FHIT: variants seen among roughly 807,000 people sequenced by gnomAD.
The protein encoded by FHIT is bis(5'-adenosyl)-triphosphatase.
In FHIT, 19 loss-of-function variants were observed where a neutral mutation model predicts 17.9. The observed-to-expected ratio is 1.06, with a 90% CI of 0.74 to 1.56. The LOEUF is 1.56. FHIT is among the 40% of genes most tolerant of loss of function. The probability of loss-of-function intolerance (pLI) is 0.00; values close to 1 mark genes in which losing one functional copy is unlikely to be tolerated. For missense variants in FHIT, 248 were observed against 189.2 expected (o/e 1.31, Z -1.82); for synonymous variants, 81 against 69.7 (o/e 1.16, Z -0.81).
intron 7 of FHIT, among the ~76,000 whole-genome samples, chr3:59,939,275 C>G (rs1706393781): frequency 6.6e-6 from 1 of 152,142 alleles, no homozygotes; most frequent in Admixed American, 6.5e-5. Flanking sequence ...GGAACCCTTC[C>G]TAACTTCAGT....
At position 60,703,996 on chromosome 3, in the gene FHIT, T is replaced by TA. The variant is rs534854329; in HGVS notation, c.-18+117922dup. Among the ~76,000 whole-genome samples the TA allele has an allele frequency of 3.5e-3, 532 of 151,888 alleles. 5 individuals are homozygous for TA. The highest frequency in any genetic ancestry group is 0.012 in the African/African-American group (516 of 41,412). ...AGTGAATGGCTATAAAATTTTTTTT[T>TA]AAAAAAAATCTAGCCGTACCAGTAT... On this transcript the variant is annotated intron_variant, in intron 4 of 9. Coordinates refer to ENST00000492590, the MANE Select transcript of FHIT (RefSeq NM_002012.4).
chr3:59,767,657 C>G (rs1301276773), intron 8 of FHIT, among the ~76,000 whole-genome samples: 3 of 152,112 alleles, frequency 2.0e-5, no homozygotes, highest in African/African-American at 7.2e-5. Flanking sequence ...TTTAATGGAG[C>G]TCTATTGAGT....
chr3:60,460,249 G>C (rs1489701589), intron 5 of FHIT, among the ~76,000 whole-genome samples: 5 of 152,046 alleles, frequency 3.3e-5, no homozygotes, highest in Non-Finnish European at 5.9e-5. Context: ...AAAGTCTTTT[G>C]GTTATACTTA....
At chr3:60,076,042 A>G (rs1702991998) in intron 5 of FHIT, among the ~76,000 whole-genome samples, 2 of 152,108 alleles carry the variant, frequency 1.3e-5, no homozygotes, top group Admixed American at 6.6e-5. Flanking sequence ...CCAGGTAAGT[A>G]TGATAGTCAT....
At chr3:61,239,789 A>T (rs1880215) in intron 1 of FHIT, among the ~76,000 whole-genome samples, 4 of 119,320 alleles carry the variant, frequency 3.4e-5, no homozygotes, top group East Asian at 3.1e-4. Context: ...ATATATACAC[A>T]AATTCTAAAC....
intron 4 of FHIT, among the ~76,000 whole-genome samples, chr3:60,663,401 A>C (rs1210611418): frequency 6.6e-6 from 1 of 151,560 alleles, no homozygotes; most frequent in Non-Finnish European, 1.5e-5. Context: ...TTGTAATTTC[A>C]TTATATAAAC....
intron 8 of FHIT, among the ~76,000 whole-genome samples, 163 bp from the exon 9 acceptor site, chr3:59,752,484 C>A (rs984121056): frequency 1.3e-5 from 2 of 152,104 alleles, no homozygotes; most frequent in African/African-American, 4.8e-5. Flanking sequence ...AGGCTTTATA[C>A]AAGAATCCAC....
chr3:60,812,012 T>C (rs1231353256), intron 4 of FHIT, among the ~76,000 whole-genome samples: 1 of 152,118 alleles, frequency 6.6e-6, no homozygotes, highest in Non-Finnish European at 1.5e-5. Flanking sequence ...AGAAATCATT[T>C]ATCCCTCCAA....
intron 5 of FHIT, among the ~76,000 whole-genome samples, chr3:60,400,073 T>G (rs942390814): frequency 6.6e-6 from 1 of 152,170 alleles, no homozygotes; most frequent in African/African-American, 2.4e-5. Context: ...ATGGCAGTAC[T>G]CTGGATAGTG....
intron 7 of FHIT, among the ~76,000 whole-genome samples, chr3:59,977,833 C>T (rs3772483): frequency 0.33 from 50,663 of 151,914 alleles, 10,062 homozygotes; most frequent in East Asian, 0.53. Flanking sequence ...TTCTAGTTAC[C>T]CTGCCTATTA....
At chr3:60,478,857 T>C (rs1168540384) in intron 5 of FHIT, among the ~76,000 whole-genome samples, 1 of 152,188 alleles carries the variant, frequency 6.6e-6, no homozygotes, top group African/African-American at 2.4e-5. Context: ...ACAGAGAGTA[T>C]AATCACACCA....
At chr3:59,841,906 C>T (rs1192793372) in intron 8 of FHIT, among the ~76,000 whole-genome samples, 3 of 152,120 alleles carry the variant, frequency 2.0e-5, no homozygotes, top group Admixed American at 6.6e-5. Flanking sequence ...GTAGAATACA[C>T]ATAATCTAAA....
chr3:61,080,098 T>C (rs1394693411), intron 2 of FHIT, among the ~76,000 whole-genome samples: 3 of 152,220 alleles, frequency 2.0e-5, no homozygotes, highest in Admixed American at 6.5e-5. Context: ...AAAGCATTCA[T>C]ATTACAACTA....
chr3:60,477,608 C>T lies in FHIT; in HGVS notation c.103+59252G>A, dbSNP rs568982975. Among the ~76,000 whole-genome samples, 26 of 152,288 alleles carry T rather than the reference C, an allele frequency of 1.7e-4. No homozygotes were observed. The South Asian group carries it at 5.0e-3, about 29-fold the overall frequency. ...TATTAATGTCTGCATTTTAGATCTA[C>T]TGCAAATAATCACATATTATTTTTC... On this transcript the variant is annotated intron_variant, in intron 5 of 9. Transcript: ENST00000492590.
chr3:61,231,076 T>C lies in FHIT; in HGVS notation c.-213+20225A>G, dbSNP rs760082917. 2.6e-4 allele frequency among the ~76,000 whole-genome samples: 40 copies of C among 152,216 alleles called. 1 individual carries two copies. Among genetic ancestry groups the C allele is most frequent in the Non-Finnish European group, 3.8e-4 (26 of 68,042 alleles). On this transcript the variant is annotated intron_variant, in intron 1 of 9. Coordinates refer to ENST00000492590, the MANE Select transcript of FHIT (RefSeq NM_002012.4). ...TAAAATGAGTCGCTAGTAAATATGATGCTATAGTTTTACAAAATGTTATCA... is the reference window on the plus strand; with the variant it reads ...TAAAATGAGTCGCTAGTAAATATGACGCTATAGTTTTACAAAATGTTATCA...
At chr3:60,227,119 A>G (rs553697483) in intron 5 of FHIT, among the ~76,000 whole-genome samples, 1 of 152,282 alleles carries the variant, frequency 6.6e-6, no homozygotes, top group Admixed American at 6.5e-5. Context: ...CCTAAACCAC[A>G]TAACCTAACA....
At chr3:59,911,934 A>T (rs186975360) in intron 8 of FHIT, among the ~76,000 whole-genome samples, 22 of 152,318 alleles carry the variant, frequency 1.4e-4, no homozygotes, top group African/African-American at 5.0e-4. Context: ...GACGATGAAG[A>T]TGAGTAAGAT....
At chr3:59,785,756 C>G (rs570892384) in intron 8 of FHIT, among the ~76,000 whole-genome samples, 1 of 152,294 alleles carries the variant, frequency 6.6e-6, no homozygotes, top group South Asian at 2.1e-4. Flanking sequence ...CAAGGAGTTA[C>G]TTAAATTTGC....
chr3:60,869,024 A>C (rs186651845), intron 3 of FHIT, among the ~76,000 whole-genome samples: 1 of 152,254 alleles, frequency 6.6e-6, no homozygotes, highest in East Asian at 1.9e-4. Context: ...GGGATTTCCC[A>C]GCTTAACAAA....
Sources: allele counts gnomAD v4.1 joint callset (sites outside exome capture counted in the v4.1 genomes callset), GRCh38; gene constraint gnomAD v4.1.1; transcripts MANE v1.5; gene names NCBI Gene and HGNC (gene_info 2026-07-23, HGNC 2026-07-21).